The following ARL15 variants were observed in gnomAD, a reference collection of about 807,000 sequenced individuals.
ARL15 encodes ADP-ribosylation factor-like protein 15.
In ARL15, 19 loss-of-function variants were observed where a neutral mutation model predicts 25.2. That is an observed-to-expected ratio of 0.75 (90% CI 0.53 to 1.10). The LOEUF (loss-of-function observed/expected upper bound fraction) is 1.10. Among genes scored for constraint, ARL15 ranks in the 50% least tolerant of loss-of-function variants. The pLI is 0.00. For synonymous variants in ARL15, 94 were observed against 86.8 expected, an observed-to-expected ratio of 1.08 and a Z score of -0.46; for missense variants, 220 against 246.0, an observed-to-expected ratio of 0.89 and a Z score of 0.71.
At chr5:53,890,863 C>T (rs1461430066) in intron 4 of ARL15, among the ~76,000 whole-genome samples, 1 of 152,198 alleles carries the variant, frequency 6.6e-6, no homozygotes, top group Admixed American at 6.5e-5. Flanking sequence ...ACCTGTGAGA[C>T]ATTACATAGC....
intron 4 of ARL15, among the ~76,000 whole-genome samples, chr5:53,968,845 G>T (rs1747649016): frequency 6.6e-6 from 1 of 151,764 alleles, no homozygotes; most frequent in Non-Finnish European, 1.5e-5. Context: ...TTGTTACCTG[G>T]GCACATCTTA....
intron 1 of ARL15, among the ~76,000 whole-genome samples, chr5:54,307,255 G>T (rs1323723859): frequency 1.3e-5 from 2 of 152,160 alleles, no homozygotes; most frequent in Admixed American, 6.5e-5. Flanking sequence ...TAAGAGTAAA[G>T]GATACATTCT....
At chr5:53,921,501 G>A (rs1352271911) in intron 4 of ARL15, among the ~76,000 whole-genome samples, 2 of 152,142 alleles carry the variant, frequency 1.3e-5, no homozygotes, top group Admixed American at 6.5e-5. Context: ...TTTCACTCAG[G>A]GAGTGACAGA....
chr5:54,005,718 C>T lies in ARL15; in HGVS notation c.462+107484G>A, dbSNP rs188529977. Among the ~76,000 whole-genome samples, 52 of 151,982 alleles carry T rather than the reference C, an allele frequency of 3.4e-4. No individual in the cohort carries two copies. The East Asian group carries it at 8.2e-3, about 24-fold the overall frequency. ...CTCTACTAAAAATACAGAAATTAGC[C>T]GGGCGTGGTGGCCGGCGCCTGTAGT... On this transcript the variant is annotated intron_variant, in intron 4 of 4. Coordinates refer to ENST00000504924, the MANE Select transcript of ARL15 (RefSeq NM_019087.3).
intron 3 of ARL15, among the ~76,000 whole-genome samples, chr5:54,128,552 T>C (rs986046863): frequency 2.1e-4 from 32 of 152,168 alleles, no homozygotes; most frequent in African/African-American, 7.7e-4. Flanking sequence ...ATAAGGAATA[T>C]GGTGGCAAAC....
intron 4 of ARL15, among the ~76,000 whole-genome samples, chr5:54,070,633 G>C (rs1199873997): frequency 1.3e-5 from 2 of 151,946 alleles, no homozygotes; most frequent in African/African-American, 4.8e-5. Flanking sequence ...CTGAGGTCAG[G>C]AGATCAACAC....
intron 4 of ARL15, among the ~76,000 whole-genome samples, chr5:53,920,932 C>T (rs974412521): frequency 6.6e-6 from 1 of 152,014 alleles, no homozygotes. Flanking sequence ...TGCGCACAGT[C>T]CTTCTCTCCC....
At chr5:54,102,963 T>C (rs1752484386) in intron 4 of ARL15, among the ~76,000 whole-genome samples, 1 of 152,220 alleles carries the variant, frequency 6.6e-6, no homozygotes, top group South Asian at 2.1e-4. Flanking sequence ...CCCAGTTATT[T>C]TATGGAGCTA....
chr5:54,114,667 C>T (rs1005498786), intron 3 of ARL15, among the ~76,000 whole-genome samples: 1 of 152,112 alleles, frequency 6.6e-6, no homozygotes. Flanking sequence ...TAAGTGATCC[C>T]TTGTCATGTA....
At chr5:54,168,028 C>G (rs1401280215) in intron 2 of ARL15, among the ~76,000 whole-genome samples, 1 of 152,198 alleles carries the variant, frequency 6.6e-6, no homozygotes, top group Non-Finnish European at 1.5e-5. Context: ...TTATATAGAA[C>G]TGTCTGACCT....
chr5:54,213,073 T>C (rs150814773), intron 1 of ARL15, among the ~76,000 whole-genome samples: 3 of 152,324 alleles, frequency 2.0e-5, no homozygotes, highest in African/African-American at 7.2e-5. Flanking sequence ...CTAAAAATAG[T>C]AATGCCCAAA....
intron 4 of ARL15, among the ~76,000 whole-genome samples, chr5:53,906,859 C>T (rs1745264125): frequency 6.6e-6 from 1 of 152,204 alleles, no homozygotes; most frequent in Admixed American, 6.5e-5. Flanking sequence ...GAAACCCTTG[C>T]ACACTCAATA....
At chr5:54,057,200 A>T (rs1750904913) in intron 4 of ARL15, among the ~76,000 whole-genome samples, 1 of 152,226 alleles carries the variant, frequency 6.6e-6, no homozygotes, top group Non-Finnish European at 1.5e-5. Flanking sequence ...GGAATAAAAG[A>T]TGTTTATAAA....
At chr5:53,991,375 C>G (rs996288751) in intron 4 of ARL15, among the ~76,000 whole-genome samples, 2 of 151,878 alleles carry the variant, frequency 1.3e-5, no homozygotes, top group African/African-American at 4.8e-5. Flanking sequence ...AACTCCATCT[C>G]TACTAAAAAT....
At chr5:54,004,212 C>T (rs1031046410) in intron 4 of ARL15, among the ~76,000 whole-genome samples, 3 of 152,076 alleles carry the variant, frequency 2.0e-5, no homozygotes, top group Non-Finnish European at 2.9e-5. Flanking sequence ...TAAATATTCT[C>T]GGCCGGGTGT....
chr5:54,040,695 C>A (rs1750315706), intron 4 of ARL15, among the ~76,000 whole-genome samples: 1 of 152,018 alleles, frequency 6.6e-6, no homozygotes. Flanking sequence ...CCTTTAACTA[C>A]CTGTGAAGGA....
intron 3 of ARL15, among the ~76,000 whole-genome samples, chr5:54,114,814 T>C (rs1309618055): frequency 1.3e-5 from 2 of 152,218 alleles, no homozygotes; most frequent in Non-Finnish European, 2.9e-5. Context: ...TATGTGTGCA[T>C]GTGTAGGAAA....
chr5:54,016,247 T>G (rs1749424016), intron 4 of ARL15, among the ~76,000 whole-genome samples: 1 of 152,200 alleles, frequency 6.6e-6, no homozygotes. Flanking sequence ...ATTTGCTTCC[T>G]TTGAATTTTT....
At chr5:53,958,230 A>C (rs1000386241) in intron 4 of ARL15, among the ~76,000 whole-genome samples, 5 of 152,150 alleles carry the variant, frequency 3.3e-5, no homozygotes, top group Non-Finnish European at 7.4e-5. Flanking sequence ...CATTTAAATA[A>C]TTTTAAACAT....
Sources: allele counts gnomAD v4.1 joint callset (sites outside exome capture counted in the v4.1 genomes callset), GRCh38; gene constraint gnomAD v4.1.1; transcripts MANE v1.5; gene names NCBI Gene and HGNC (gene_info 2026-07-23, HGNC 2026-07-21).